The following ACVR1B variants were observed in gnomAD, a reference collection of about 807,000 sequenced individuals.
The protein encoded by ACVR1B is activin receptor type-1B.
ACVR1B carries 15 observed loss-of-function variants against 55.6 expected under a neutral mutation model. The ratio of observed to expected loss-of-function variants is 0.27; its 90% CI spans 0.18 to 0.42. The LOEUF (loss-of-function observed/expected upper bound fraction) is 0.42, where lower values mean the gene tolerates loss of function less well. Ranked by LOEUF, ACVR1B falls within the 10% of genes least tolerant of loss-of-function variation. The pLI is 1.00. For synonymous variants in ACVR1B, 247 were observed against 254.6 expected (o/e 0.97, Z 0.28); for missense variants, 359 against 670.1 (o/e 0.54, Z 5.13).
At chr12:51,959,083 A>G (rs980633306) in intron 1 of ACVR1B, among the ~76,000 whole-genome samples, 1 of 152,234 alleles carries the variant, frequency 6.6e-6, no homozygotes, top group African/African-American at 2.4e-5. Context: ...AGTTGTGCCT[A>G]CTACAGTCCA....
chr12:51,966,251 G>C (rs1425580972), intron 1 of ACVR1B, among the ~76,000 whole-genome samples: 2 of 152,130 alleles, frequency 1.3e-5, no homozygotes, highest in Admixed American at 6.5e-5. Flanking sequence ...GAGGAGAGAG[G>C]AACATGTTAA....
intron 2 of ACVR1B, among the ~76,000 whole-genome samples, chr12:51,976,057 G>A (rs1941845294): frequency 6.6e-6 from 1 of 152,188 alleles, no homozygotes; most frequent in Non-Finnish European, 1.5e-5. Flanking sequence ...CTGTGTAGGG[G>A]CCTGAGGCGG....
At chr12:51,968,432 G>A (rs1048371374) in intron 1 of ACVR1B, among the ~76,000 whole-genome samples, 4 of 152,172 alleles carry the variant, frequency 2.6e-5, no homozygotes, top group Admixed American at 6.5e-5. Flanking sequence ...TATATGGGAC[G>A]TTTTAGACCT....
At chr12:51,975,957 G>A (rs1177366474) in intron 2 of ACVR1B, among the ~76,000 whole-genome samples, 2 of 152,220 alleles carry the variant, frequency 1.3e-5, no homozygotes, top group African/African-American at 4.8e-5. Flanking sequence ...TACCATTCAG[G>A]AGGCATTACT....
At chr12:51,968,062 C>T (rs1008102822) in intron 1 of ACVR1B, among the ~76,000 whole-genome samples, 21 of 152,214 alleles carry the variant, frequency 1.4e-4, no homozygotes, top group African/African-American at 2.2e-4. Flanking sequence ...TGGCGAAACC[C>T]GGTCTCTACT....
At chr12:51,978,686 C>A (rs1941915794) in intron 3 of ACVR1B, among the ~76,000 whole-genome samples, 2 of 24,300 alleles carry the variant, frequency 8.2e-5, no homozygotes, top group Non-Finnish European at 1.7e-4. Flanking sequence ...AAAAAATTAG[C>A]CGGGCGTGGT....
At position 51,991,022 on chromosome 12, in the gene ACVR1B, C is replaced by T. The variant is rs145268832; in HGVS notation, c.1262-841C>T. 2.1e-3 allele frequency among the ~76,000 whole-genome samples: 315 copies of T among 152,202 alleles called. 3 individuals are homozygous for T. Among genetic ancestry groups the T allele is most frequent in the African/African-American group, 7.3e-3 (303 of 41,530 alleles). Reference sequence around the variant, plus strand: ...TGGTTCTCTATTTTTGTGTCGTTAACGTGCCGTGGTGATATTGTCCAAAAC... The same window carrying T: ...TGGTTCTCTATTTTTGTGTCGTTAATGTGCCGTGGTGATATTGTCCAAAAC... On this transcript the variant is annotated intron_variant, in intron 7 of 8. Transcript: ENST00000257963.
At chr12:51,967,902 G>A (rs1276265623) in intron 1 of ACVR1B, among the ~76,000 whole-genome samples, 1 of 152,164 alleles carries the variant, frequency 6.6e-6, no homozygotes, top group Non-Finnish European at 1.5e-5. Context: ...TCTCCCTAAA[G>A]GTGCTCTCAG....
chr12:51,957,290 A>T (rs981723616), intron 1 of ACVR1B, among the ~76,000 whole-genome samples: 2 of 151,808 alleles, frequency 1.3e-5, no homozygotes, highest in Admixed American at 1.3e-4. Flanking sequence ...TATTAAAAAT[A>T]CAAAAATTAG....
intron 1 of ACVR1B, among the ~76,000 whole-genome samples, chr12:51,963,608 A>G (rs1201717210): frequency 1.3e-5 from 2 of 152,218 alleles, no homozygotes; most frequent in African/African-American, 2.4e-5. Context: ...AGTTTCATCT[A>G]TATTATAGCA....
intron 1 of ACVR1B, among the ~76,000 whole-genome samples, chr12:51,970,621 C>T (rs1030760116): frequency 6.6e-6 from 1 of 152,048 alleles, no homozygotes; most frequent in South Asian, 2.1e-4. Context: ...GGGATAAGGG[C>T]CAGGGAAGAA....
chr12:51,960,991 T>C lies in ACVR1B; in HGVS notation c.91+9157T>C, dbSNP rs538097491. Among the ~76,000 whole-genome samples the C allele has an allele frequency of 1.0e-4, 10 of 96,498 alleles. 2 individuals are homozygous for C. Among genetic ancestry groups the C allele is most frequent in the Admixed American group, 1.9e-4 (1 of 5,130 alleles). The allele number at this position is 96,498 out of a possible 152,430, so 63.3% of individuals were successfully genotyped here. A position where few individuals can be genotyped will look rare whatever the true frequency, so the allele number is the denominator to read the frequency against. ...CAATTTACTCTGAACCCAGTGTAGC[T>C]AATATTTTTTCACAGCCCTTTGCTT... On this transcript the variant is annotated intron_variant, in intron 1 of 8. Transcript: ENST00000257963.
At chr12:51,969,203 T>A (rs1941698040) in intron 1 of ACVR1B, among the ~76,000 whole-genome samples, 1 of 152,236 alleles carries the variant, frequency 6.6e-6, no homozygotes, top group Admixed American at 6.5e-5. Flanking sequence ...TAAATGGTTG[T>A]TCTATGCCAC....
chr12:51,953,513 T>A, intron 1 of ACVR1B: 1 of 985,300 alleles, frequency 1.0e-6, no homozygotes, highest in Non-Finnish European at 1.2e-6. Context: ...AGATAATGAT[T>A]TGCATGAATA....
At chr12:51,952,066 C>A (rs1941308977) in intron 1 of ACVR1B, among the ~76,000 whole-genome samples, 1 of 152,116 alleles carries the variant, frequency 6.6e-6, no homozygotes, top group South Asian at 2.1e-4. Flanking sequence ...GAGCCCTGTT[C>A]CAGGCGGAAC....
In ACVR1B at chr12:51,994,525, G is replaced by C. The variant is rs987796718; in HGVS notation, c.*415G>C. ...CGGGGACCAGCCCACAGCACACCAA[G>C]GTGGCCCGGAAGAACCAGAAGTGCA... On this transcript the variant is annotated 3_prime_UTR_variant, in exon 9 of 9. Coordinates refer to ENST00000257963, the MANE Select transcript of ACVR1B (RefSeq NM_004302.5). This position sits in a 1 kb window ranked among gnomAD's most constrained non-coding sequence, Gnocchi z 4.2. The C allele has an allele frequency of 3.4e-5, 6 of 175,868 alleles. No homozygotes were observed. Among genetic ancestry groups the C allele is most frequent in the African/African-American group, 1.4e-4 (6 of 41,952 alleles). The allele number at this position is 175,868 out of a possible 1,614,324, so 10.9% of individuals were successfully genotyped here. A position where few individuals can be genotyped will look rare whatever the true frequency, so the allele number is the denominator to read the frequency against.
At chr12:51,992,025 C>A (rs770900739) in intron 8 of ACVR1B, 32 bp downstream of exon 8, 1 of 1,614,216 alleles carries the variant, frequency 6.2e-7, no homozygotes, top group South Asian at 1.1e-5. Context: ...GCTTTCCCAT[C>A]AGCCTGATTT....
At chr12:51,988,782 G>C (rs1437163152) in intron 7 of ACVR1B, among the ~76,000 whole-genome samples, 1 of 152,160 alleles carries the variant, frequency 6.6e-6, no homozygotes. Context: ...GCTTAAGCCT[G>C]TAACTACCCC....
At chr12:51,965,676 C>A (rs1592246296) in intron 1 of ACVR1B, among the ~76,000 whole-genome samples, 1 of 151,994 alleles carries the variant, frequency 6.6e-6, no homozygotes, top group African/African-American at 2.4e-5. Context: ...TATAGTTGGG[C>A]TAGGATAGGT....
Sources: allele counts gnomAD v4.1 joint callset (sites outside exome capture counted in the v4.1 genomes callset), GRCh38; gene constraint gnomAD v4.1.1; non-coding constraint Gnocchi (gnomAD v3.1); transcripts MANE v1.5; gene names NCBI Gene and HGNC (gene_info 2026-07-23, HGNC 2026-07-21).